PREX2: variants seen among roughly 807,000 people sequenced by gnomAD.
PREX2 encodes phosphatidylinositol 3,4,5-trisphosphate-dependent Rac exchanger 2 protein.
PREX2 carries 107 observed loss-of-function variants against 203.2 expected under a neutral mutation model. That is an observed-to-expected ratio of 0.53 (90% CI 0.45 to 0.62). The LOEUF is 0.62. Among genes scored for constraint, PREX2 ranks in the 20% least tolerant of loss-of-function variants. PREX2 has a pLI of 0.00. For synonymous variants in PREX2, 672 were observed against 663.6 expected, an observed-to-expected ratio of 1.01 and a Z score of -0.19; for missense variants, 1,777 against 1,955.9, an observed-to-expected ratio of 0.91 and a Z score of 1.72.
At chr8:68,065,260 A>G (rs1319821586) in intron 11 of PREX2, among the ~76,000 whole-genome samples, 2 of 152,218 alleles carry the variant, frequency 1.3e-5, no homozygotes, top group Non-Finnish European at 2.9e-5. Context: ...CAACTTCTTG[A>G]GTTTTGGAAT....
intron 31 of PREX2, among the ~76,000 whole-genome samples, chr8:68,131,895 G>T (rs1219272853): frequency 2.0e-5 from 3 of 152,054 alleles, no homozygotes; most frequent in Non-Finnish European, 4.4e-5. Context: ...GTATGGGTGG[G>T]AGTATTTCTG....
chr8:68,099,707 A>G lies in PREX2; in HGVS notation c.2579A>G (p.Asp860Gly). ...AKILEALAKS[D>G]EHFVQNCTSL... ...ATTCTTGAAGCCCTGGCTAAAAGTG[A>G]TGAGCATTTTGTACAAAACTGTACC... The change falls in exon 23 of 40, where the codon GAT becomes GGT. Residue 860 changes from aspartate to glycine, a missense_variant. Transcript: ENST00000288368. 1.9e-6 allele frequency: 3 copies of G among 1,613,856 alleles called. No homozygotes were observed. Among genetic ancestry groups the G allele is most frequent in the Non-Finnish European group, 2.5e-6 (3 of 1,179,876 alleles).
intron 7 of PREX2, among the ~76,000 whole-genome samples, chr8:68,041,527 G>A (rs780023669): frequency 3.9e-5 from 6 of 152,082 alleles, no homozygotes; most frequent in Admixed American, 1.3e-4. Flanking sequence ...TAGGATTAGA[G>A]CCAAAAAATA....
At position 67,952,198 on chromosome 8, in the gene PREX2, C is replaced by G; in HGVS notation, c.-197C>G. 2.4e-6 allele frequency: 1 copy of G among 422,718 alleles called. No homozygotes were observed. Among genetic ancestry groups the G allele is most frequent in the Non-Finnish European group, 3.9e-6 (1 of 256,928 alleles). 26.2% of individuals were successfully genotyped at this position (422,718 alleles called of 1,614,324 possible). A position where few individuals can be genotyped will look rare whatever the true frequency, so the allele number is the denominator to read the frequency against. ...GTTTCCTCTGCAGAGCCCCGCGCCC[C>G]CCGCGCCGGGATTTCAGCCCGATCC... is the stretch of plus-strand genomic sequence containing the variant. On this transcript the variant is annotated 5_prime_UTR_variant, in exon 1 of 40. Transcript: ENST00000288368.
intron 7 of PREX2, among the ~76,000 whole-genome samples, chr8:68,040,604 C>T (rs1808168950): frequency 6.6e-6 from 1 of 152,190 alleles, no homozygotes; most frequent in African/African-American, 2.4e-5. Context: ...ATCACTCCCT[C>T]TGTAGTGTCT....
At position 68,027,248 on chromosome 8, in the gene PREX2, G is replaced by A. The variant is rs772266269; in HGVS notation, c.468G>A (p.Lys156=). ...ACTGCATGCTGCTTGGAGGACGGAA[G>A]AACACAGATGTTCCCTTGGAAGGAT... The part of the protein sequence containing the change: ...LLNCMLLGGR[K]NTDVPLEGYL... Residue 156 remains lysine, a synonymous_variant, in exon 5 of 40, where the codon AAG becomes AAA. Transcript: ENST00000288368. 1 of 1,611,994 alleles carries A rather than the reference G, an allele frequency of 6.2e-7. No homozygotes were observed. Among genetic ancestry groups the A allele is most frequent in the African/African-American group, 1.3e-5 (1 of 74,940 alleles).
intron 1 of PREX2, among the ~76,000 whole-genome samples, chr8:67,990,473 C>T (rs1214614405): frequency 1.3e-5 from 2 of 148,838 alleles, no homozygotes; most frequent in East Asian, 2.0e-4. Flanking sequence ...ATCATTTTGC[C>T]TTTTAAAAAC....
At chr8:68,060,851 T>A (rs1304979138) in intron 11 of PREX2, 72 bp downstream of exon 11, 4 of 1,034,402 alleles carry the variant, frequency 3.9e-6, no homozygotes, top group Non-Finnish European at 5.7e-6. Context: ...CATTTATCAG[T>A]TTAGTTTACA....
intron 37 of PREX2, among the ~76,000 whole-genome samples, chr8:68,193,412 A>G (rs559559755): frequency 6.6e-6 from 1 of 152,154 alleles, no homozygotes; most frequent in Non-Finnish European, 1.5e-5. Flanking sequence ...TGCTGCACCC[A>G]TCAACCCGTC....
At chr8:68,037,131 A>G (rs891177984) in intron 6 of PREX2, among the ~76,000 whole-genome samples, 6 of 152,176 alleles carry the variant, frequency 3.9e-5, no homozygotes, top group Non-Finnish European at 7.3e-5. Flanking sequence ...ATTATTGTGG[A>G]AATATGAAAT....
chr8:68,146,715 G>T (rs567356368), intron 34 of PREX2, among the ~76,000 whole-genome samples: 8 of 152,208 alleles, frequency 5.3e-5, no homozygotes, highest in African/African-American at 1.9e-4. Flanking sequence ...TTATTAAACA[G>T]AATTTATACT....
chr8:68,000,699 T>C (rs1806912810), intron 1 of PREX2, among the ~76,000 whole-genome samples: 1 of 152,152 alleles, frequency 6.6e-6, no homozygotes. Flanking sequence ...CCTCAAACTA[T>C]GTTACAGGGC....
At chr8:68,079,429 A>G (rs1260979613) in intron 15 of PREX2, among the ~76,000 whole-genome samples, 1 of 152,208 alleles carries the variant, frequency 6.6e-6, no homozygotes, top group Non-Finnish European at 1.5e-5. Context: ...TTAAGCAACA[A>G]TATGTAGAAG....
At chr8:68,106,641 G>T (rs183671936) in intron 23 of PREX2, among the ~76,000 whole-genome samples, 324 of 152,064 alleles carry the variant, frequency 2.1e-3, no homozygotes, top group Non-Finnish European at 2.2e-3. Context: ...ATATAAGAGA[G>T]TCCCTGTTCT....
At chr8:68,029,864 A>G (rs1807829482) in intron 5 of PREX2, among the ~76,000 whole-genome samples, 1 of 152,068 alleles carries the variant, frequency 6.6e-6, no homozygotes, top group Non-Finnish European at 1.5e-5. Context: ...CCTAAATACC[A>G]AAAACAAAAA....
chr8:68,030,107 A>G (rs1044835165), intron 5 of PREX2, among the ~76,000 whole-genome samples: 2 of 152,154 alleles, frequency 1.3e-5, no homozygotes, highest in Non-Finnish European at 1.5e-5. Context: ...AAATTATGAC[A>G]TACTTAAAGA....
chr8:68,093,340 A>T (rs1809943470), intron 20 of PREX2, among the ~76,000 whole-genome samples: 1 of 148,036 alleles, frequency 6.8e-6, no homozygotes, highest in African/African-American at 2.5e-5. Context: ...TGGTGAGTCG[A>T]GACTGCACCA....
At position 68,192,365 on chromosome 8, in the gene PREX2, C is replaced by A. The variant is rs761771548; in HGVS notation, c.4444C>A (p.Leu1482Ile). ...LMRPLNALDELYRLVASFIRS... is the reference protein window; with the variant it reads ...LMRPLNALDEIYRLVASFIRS... ...GAGGCCTCTCAACGCTTTGGATGAA[C>A]TTTACCGACTGGTAGCCTCGTTTAT... The change falls in exon 37 of 40, where the codon CTT becomes ATT. Residue 1482 changes from leucine (L) to isoleucine (I), a missense_variant. Leu to Ile is a conservative substitution (Grantham distance 5). Transcript: ENST00000288368. The A allele has an allele frequency of 1.2e-6, 2 of 1,608,556 alleles. No homozygotes were observed. Among genetic ancestry groups the A allele is most frequent in the African/African-American group, 2.7e-5 (2 of 74,806 alleles).
intron 25 of PREX2, among the ~76,000 whole-genome samples, chr8:68,115,306 GC>G (rs1292330249): frequency 3.0e-4 from 46 of 152,144 alleles, no homozygotes; most frequent in African/African-American, 1.0e-3. Flanking sequence ...GGGATTACAG[GC>G]ATGAGCCACA....
Sources: gnomAD v4.1 joint callset for allele counts (sites outside exome capture counted in the v4.1 genomes callset) on GRCh38, gnomAD v4.1.1 for gene constraint, MANE v1.5 for transcripts, NCBI Gene and HGNC (gene_info 2026-07-23, HGNC 2026-07-21) for gene names.